The following LRIG1 variants were observed in gnomAD, a reference collection of about 807,000 sequenced individuals.
The protein encoded by LRIG1 is leucine rich repeats and immunoglobulin like domains 1.
In LRIG1, 48 loss-of-function variants were observed where a neutral mutation model predicts 99.2. That is an observed-to-expected ratio of 0.48 (90% CI 0.38 to 0.62). The LOEUF is 0.62. Ranked by LOEUF, LRIG1 falls within the 20% of genes least tolerant of loss-of-function variation. The probability of loss-of-function intolerance (pLI) is 0.00; values close to 1 mark genes in which losing one functional copy is unlikely to be tolerated. For synonymous variants in LRIG1, 772 were observed against 596.1 expected, an observed-to-expected ratio of 1.29 and a Z score of -4.30; for missense variants, 1,646 against 1,434.4, an observed-to-expected ratio of 1.15 and a Z score of -2.38.
intron 3 of LRIG1, among the ~76,000 whole-genome samples, chr3:66,441,855 T>G (rs1049853627): frequency 6.6e-6 from 1 of 152,322 alleles, no homozygotes; most frequent in Non-Finnish European, 1.5e-5. Context: ...GATGCTTCCT[T>G]GCTCTGTGAC....
chr3:66,419,049 G>T (rs1224102406), intron 3 of LRIG1, among the ~76,000 whole-genome samples: 1 of 152,144 alleles, frequency 6.6e-6, no homozygotes, highest in Non-Finnish European at 1.5e-5. Context: ...GGGAAGAAAA[G>T]AAACAAGAAA....
chr3:66,446,943 T>C (rs905692306), intron 3 of LRIG1, among the ~76,000 whole-genome samples: 1 of 19,340 alleles, frequency 5.2e-5, no homozygotes, highest in Admixed American at 7.2e-4. Context: ...TGGGGTTTTT[T>C]GGGGGGCGGG....
chr3:66,485,132 T>C (rs1700942133), intron 1 of LRIG1, among the ~76,000 whole-genome samples: 1 of 144,744 alleles, frequency 6.9e-6, no homozygotes, highest in African/African-American at 2.6e-5. Flanking sequence ...TACTCCAACC[T>C]GGGTGACAGA....
intron 1 of LRIG1, among the ~76,000 whole-genome samples, chr3:66,465,972 G>GA (rs1481478938): frequency 1.3e-5 from 2 of 152,128 alleles, no homozygotes; most frequent in Non-Finnish European, 2.9e-5. Context: ...GTCCTTTTGT[G>GA]AGTGGCTTAA....
chr3:66,447,785 C>T (rs1225463158), intron 3 of LRIG1, among the ~76,000 whole-genome samples: 2 of 152,180 alleles, frequency 1.3e-5, no homozygotes, highest in African/African-American at 2.4e-5. Context: ...AGTGCAGCAA[C>T]ACCACCGGAA....
intron 2 of LRIG1, among the ~76,000 whole-genome samples, chr3:66,460,003 G>T (rs1700320277): frequency 6.6e-6 from 1 of 151,442 alleles, no homozygotes; most frequent in East Asian, 1.9e-4. Context: ...CATTCATTTT[G>T]ACTTTCAAAA....
intron 3 of LRIG1, among the ~76,000 whole-genome samples, chr3:66,419,780 T>G (rs533240659): frequency 9.9e-5 from 15 of 152,036 alleles, no homozygotes; most frequent in Non-Finnish European, 2.1e-4. Context: ...GCTGCTGGCC[T>G]CTCCCCACCT....
chr3:66,407,687 C>T (rs1362832080), intron 7 of LRIG1, among the ~76,000 whole-genome samples, 196 bp from the exon 8 acceptor site: 1 of 152,232 alleles, frequency 6.6e-6, no homozygotes, highest in African/African-American at 2.4e-5. Context: ...AGAAACTCAT[C>T]AGTGCCCAAC....
At chr3:66,417,344 A>AC (rs1242521811) in intron 3 of LRIG1, 78 bp from the exon 4 acceptor site, 13 of 1,407,736 alleles carry the variant, frequency 9.2e-6, no homozygotes, top group Non-Finnish European at 1.3e-5. Context: ...CCTGCACCCC[A>AC]CCCCCCACCA....
intron 8 of LRIG1, chr3:66,406,083 G>A: frequency 1.0e-6 from 1 of 985,944 alleles, no homozygotes; most frequent in Non-Finnish European, 1.2e-6. Flanking sequence ...AGGCCAGGGA[G>A]AGAAAAGGAA....
At chr3:66,430,190 CAAA>C (rs34125530) in intron 3 of LRIG1, among the ~76,000 whole-genome samples, 7,566 of 127,440 alleles carry the variant, frequency 0.059, 548 homozygotes, top group East Asian at 0.19. Context: ...ACAACAACAA[CAAA>C]AAAAAAACAC....
At chr3:66,470,003 T>C (rs1378115839) in intron 1 of LRIG1, among the ~76,000 whole-genome samples, 2 of 151,714 alleles carry the variant, frequency 1.3e-5, no homozygotes, top group African/African-American at 4.8e-5. Context: ...TAGCTACAAA[T>C]TGGTAGTTTG....
At chr3:66,449,017 T>G (rs1021845518) in intron 3 of LRIG1, among the ~76,000 whole-genome samples, 4 of 152,222 alleles carry the variant, frequency 2.6e-5, no homozygotes, top group African/African-American at 9.6e-5. Flanking sequence ...GTTCAAAACC[T>G]GGATGACTGG....
At position 66,383,201 on chromosome 3, in the gene LRIG1, C is replaced by T. The variant is rs966857935; in HGVS notation, c.2272G>A (p.Ala758Thr). The change falls in exon 15 of 19, where the codon GCG (alanine) becomes ACG (threonine). Residue 758 changes from alanine (A) to threonine (T), a missense_variant. Coordinates refer to ENST00000273261, the MANE Select transcript of LRIG1 (RefSeq NM_015541.3). ...LVVQNVVAEDAGRYTCEMSNT... is the reference protein window; with the variant it reads ...LVVQNVVAEDTGRYTCEMSNT... ...GACATCTCACAGGTATATCGGCCCGCATCCTCTGCCACCACGTTCTGAACC... is the reference window on the plus strand; with the variant it reads ...GACATCTCACAGGTATATCGGCCCGTATCCTCTGCCACCACGTTCTGAACC... 2 of 1,614,246 alleles carry T rather than the reference C, an allele frequency of 1.2e-6. No homozygotes were observed. Among genetic ancestry groups the T allele is most frequent in the Non-Finnish European group, 1.7e-6 (2 of 1,180,050 alleles).
rs1467896478 is a variant in LRIG1, at chr3:66,380,364, G to A, written c.3181C>T (p.His1061Tyr). The A allele has an allele frequency of 1.2e-6, 2 of 1,614,166 alleles. No individual in the cohort carries two copies. Among genetic ancestry groups the A allele is most frequent in the Non-Finnish European group, 1.7e-6 (2 of 1,180,008 alleles). Reference protein sequence around the residue: ...EAQYLLVSNGHLPKACDASPE... With the variant: ...EAQYLLVSNGYLPKACDASPE... ...CTGGCGTCACATGCTTTGGGGAGGTGGCCATTGGAAACAAGCAAGTACTGG... is the reference window on the plus strand; with the variant it reads ...CTGGCGTCACATGCTTTGGGGAGGTAGCCATTGGAAACAAGCAAGTACTGG... The change falls in exon 19 of 19, where the codon CAC becomes TAC. Residue 1061 changes from histidine to tyrosine, a missense_variant. Coordinates refer to ENST00000273261, the MANE Select transcript of LRIG1 (RefSeq NM_015541.3).
chr3:66,418,305 G>C (rs867196527), intron 3 of LRIG1, among the ~76,000 whole-genome samples: 3 of 152,164 alleles, frequency 2.0e-5, no homozygotes, highest in Non-Finnish European at 4.4e-5. Context: ...GTGTTGGCCA[G>C]GATGGTCTCG....
intron 7 of LRIG1, among the ~76,000 whole-genome samples, chr3:66,408,943 T>TGTGC (rs1702368931): frequency 9.4e-6 from 1 of 106,604 alleles, no homozygotes; most frequent in African/African-American, 3.8e-5. Context: ...TGTGTGTGTG[T>TGTGC]GTGTGTGTGT....
At chr3:66,406,619 C>A (rs374376834) in intron 8 of LRIG1, among the ~76,000 whole-genome samples, 1 of 152,228 alleles carries the variant, frequency 6.6e-6, no homozygotes, top group South Asian at 2.1e-4. Flanking sequence ...TCCTCTGAAA[C>A]CTGCATGCCC....
At chr3:66,471,268 G>A (rs1010743404) in intron 1 of LRIG1, among the ~76,000 whole-genome samples, 22 of 152,158 alleles carry the variant, frequency 1.4e-4, no homozygotes, top group African/African-American at 3.9e-4. Flanking sequence ...ATTCAGGATC[G>A]CCTATTCTCT....
Sources: gnomAD v4.1 joint callset for allele counts (sites outside exome capture counted in the v4.1 genomes callset) on GRCh38, gnomAD v4.1.1 for gene constraint, MANE v1.5 for transcripts, NCBI Gene and HGNC (gene_info 2026-07-23, HGNC 2026-07-21) for gene names.